The following PPARGC1A variants were observed in gnomAD, a reference collection of about 807,000 sequenced individuals.
The protein encoded by PPARGC1A is peroxisome proliferator-activated receptor gamma coactivator 1-alpha.
PPARGC1A carries 25 observed loss-of-function variants against 88.7 expected under a neutral mutation model. That is an observed-to-expected ratio of 0.28 (90% CI 0.21 to 0.39). The LOEUF (loss-of-function observed/expected upper bound fraction) is 0.39, where lower values mean the gene tolerates loss of function less well. Among genes scored for constraint, PPARGC1A ranks in the 10% least tolerant of loss-of-function variants. The pLI is 1.00. For synonymous variants in PPARGC1A, 363 were observed against 355.6 expected (o/e 1.02, Z -0.24); for missense variants, 880 against 968.7 (o/e 0.91, Z 1.22).
At chr4:23,947,459 G>T in the PPARGC1A span, among the ~76,000 whole-genome samples, 1 of 145,940 alleles carries the variant, frequency 6.9e-6, no homozygotes, top group East Asian at 2.1e-4. Context: ...TCAATGTCAC[G>T]CTGCTGGTAA....
chr4:24,091,533 C>T, the PPARGC1A span: 2 of 985,356 alleles, frequency 2.0e-6, no homozygotes, highest in Non-Finnish European at 2.4e-6. Context: ...GAGGTCTCAT[C>T]CATTGCTGAT....
rs531277588 is a variant in PPARGC1A, at chr4:23,872,966, G to A, written c.234+11786C>T. Among the ~76,000 whole-genome samples, 19 of 152,002 alleles carry A rather than the reference G, an allele frequency of 1.2e-4. 1 individual carries two copies. In the East Asian group the frequency reaches 1.6e-3, roughly 12 times the overall value. ...CGCACTTCGGGAGGCCGAGGTGGGC[G>A]GATCACGAGGTCAGGAGATAGAGAC... On this transcript the variant is annotated intron_variant, in intron 2 of 12. Coordinates refer to ENST00000264867, the MANE Select transcript of PPARGC1A (RefSeq NM_013261.5).
At chr4:24,045,131 A>G in the PPARGC1A span, among the ~76,000 whole-genome samples, 11 of 152,350 alleles carry the variant, frequency 7.2e-5, no homozygotes, top group African/African-American at 2.6e-4. Context: ...TGCAGGTGCC[A>G]GAGGCCCTCA....
At chr4:24,260,422 C>T in the PPARGC1A span, among the ~76,000 whole-genome samples, 1 of 152,226 alleles carries the variant, frequency 6.6e-6, no homozygotes, top group Admixed American at 6.5e-5. Flanking sequence ...TGTTTACTTG[C>T]ACATTAATAA....
the PPARGC1A span, among the ~76,000 whole-genome samples, chr4:24,135,348 C>T: frequency 6.6e-6 from 1 of 152,128 alleles, no homozygotes; most frequent in Non-Finnish European, 1.5e-5. Context: ...ATCCTCATCT[C>T]CATTAAGTTA....
At chr4:23,956,936 G>T in the PPARGC1A span, among the ~76,000 whole-genome samples, 1 of 152,028 alleles carries the variant, frequency 6.6e-6, no homozygotes, top group African/African-American at 2.4e-5. Flanking sequence ...CATGAGGTAG[G>T]TGCCCTTAGT....
chr4:24,128,096 A>G, the PPARGC1A span, among the ~76,000 whole-genome samples: 1 of 152,152 alleles, frequency 6.6e-6, no homozygotes, highest in South Asian at 2.1e-4. Context: ...ATCTGCGGAA[A>G]GGAGGGACAG....
At chr4:23,830,441 C>T (rs549254748) in intron 3 of PPARGC1A, among the ~76,000 whole-genome samples, 40 of 152,102 alleles carry the variant, frequency 2.6e-4, no homozygotes, top group Non-Finnish European at 4.9e-4. Context: ...TAGATGAAAA[C>T]AATCTGATAT....
chr4:24,093,839 A>C, the PPARGC1A span, among the ~76,000 whole-genome samples: 3 of 152,118 alleles, frequency 2.0e-5, no homozygotes, highest in Non-Finnish European at 4.4e-5. Flanking sequence ...CAGGTTACTC[A>C]TCTTCTCTGA....
At chr4:24,290,937 C>G in the PPARGC1A span, among the ~76,000 whole-genome samples, 1 of 152,162 alleles carries the variant, frequency 6.6e-6, no homozygotes, top group Admixed American at 6.5e-5. Flanking sequence ...TAATTTGAAG[C>G]AGCCACTTCC....
the PPARGC1A span, among the ~76,000 whole-genome samples, chr4:24,384,022 G>T: frequency 6.6e-6 from 1 of 152,186 alleles, no homozygotes; most frequent in African/African-American, 2.4e-5. Flanking sequence ...ACTAACAGTG[G>T]ATCCCTCTGT....
the PPARGC1A span, among the ~76,000 whole-genome samples, chr4:24,012,870 A>G: frequency 8.5e-5 from 13 of 152,208 alleles, no homozygotes; most frequent in Non-Finnish European, 1.8e-4. Context: ...ATGAAGGAGA[A>G]ACAAGGTTTT....
the PPARGC1A span, among the ~76,000 whole-genome samples, chr4:24,050,636 CCTT>C: frequency 6.6e-6 from 1 of 152,142 alleles, no homozygotes; most frequent in African/African-American, 2.4e-5. Context: ...AGTCTGGCTT[CCTT>C]CTTCACATGA....
rs780199152 is a variant in PPARGC1A, at chr4:23,813,845, T to C, written c.1638A>G (p.Pro546=). Residue 546 remains proline (P), a synonymous_variant, in exon 8 of 13, where the codon CCA becomes CCG. Transcript: ENST00000264867. ...TGGGTGGTGACACAGAATCTCTACATGGAGAGTTAAAAGAAGAACAAGAAG... is the reference window on the plus strand; with the variant it reads ...TGGGTGGTGACACAGAATCTCTACACGGAGAGTTAAAAGAAGAACAAGAAG... The part of the protein sequence containing the change: ...VSPSCSSFNS[P]CRDSVSPPKS... 14 of 1,613,998 alleles carry C rather than the reference T, an allele frequency of 8.7e-6. No individual in the cohort carries two copies. In the South Asian group the frequency reaches 1.3e-4, roughly 15 times the overall value.
chr4:24,352,609 G>A, the PPARGC1A span, among the ~76,000 whole-genome samples: 1 of 152,176 alleles, frequency 6.6e-6, no homozygotes, highest in Admixed American at 6.5e-5. Flanking sequence ...TTCAAAAGCT[G>A]GAAAGGAAGC....
At chr4:24,342,502 A>G in the PPARGC1A span, among the ~76,000 whole-genome samples, 1 of 146,230 alleles carries the variant, frequency 6.8e-6, no homozygotes, top group Non-Finnish European at 1.5e-5. Context: ...ACTAAAATAT[A>G]AAAATAAGAA....
the PPARGC1A span, among the ~76,000 whole-genome samples, chr4:23,995,698 T>C: frequency 2.0e-5 from 3 of 152,090 alleles, no homozygotes; most frequent in Non-Finnish European, 4.4e-5. Context: ...AAGAGTTCCT[T>C]CTGTGGGGGA....
the PPARGC1A span, among the ~76,000 whole-genome samples, chr4:24,017,683 C>G: frequency 2.1e-3 from 322 of 152,130 alleles, 1 homozygote; most frequent in African/African-American, 7.5e-3. Flanking sequence ...TTACTGACAA[C>G]AAGGACATCA....
chr4:24,287,745 T>A, the PPARGC1A span, among the ~76,000 whole-genome samples: 1 of 151,458 alleles, frequency 6.6e-6, no homozygotes, highest in Non-Finnish European at 1.5e-5. Context: ...CAGTAAAAAA[T>A]GCTACCACTT....
Sources: allele counts gnomAD v4.1 joint callset (sites outside exome capture counted in the v4.1 genomes callset), GRCh38; gene constraint gnomAD v4.1.1; transcripts MANE v1.5; gene names NCBI Gene and HGNC (gene_info 2026-07-23, HGNC 2026-07-21).